Variants in ATG7 observed in about 807,000 individuals in gnomAD.
ATG7 encodes ubiquitin-like modifier-activating enzyme ATG7.
A neutral mutation model predicts 82.4 loss-of-function variants in ATG7; 70 were observed. The ratio of observed to expected loss-of-function variants is 0.85; its 90% CI spans 0.70 to 1.04. The LOEUF (loss-of-function observed/expected upper bound fraction) is 1.04. Ranked by LOEUF, ATG7 falls within the 50% of genes least tolerant of loss-of-function variation. The probability of loss-of-function intolerance (pLI) is 0.00; values close to 1 mark genes in which losing one functional copy is unlikely to be tolerated. For missense variants in ATG7, 792 were observed against 864.3 expected (o/e 0.92, Z 1.05); for synonymous variants, 287 against 313.0 (o/e 0.92, Z 0.88).
intron 19 of ATG7, among the ~76,000 whole-genome samples, chr3:11,419,132 A>G (rs974112600): frequency 2.0e-5 from 3 of 152,232 alleles, no homozygotes; most frequent in Admixed American, 6.5e-5. Flanking sequence ...TTAAGTCATC[A>G]AGAGCAAGTA....
At chr3:11,535,363 C>T (rs2092770676) in intron 20 of ATG7, among the ~76,000 whole-genome samples, 1 of 152,232 alleles carries the variant, frequency 6.6e-6, no homozygotes, top group African/African-American at 2.4e-5. Flanking sequence ...CTCCCAGTGG[C>T]ACCCAGCATG....
At chr3:11,501,842 A>T (rs1376799741) in intron 20 of ATG7, among the ~76,000 whole-genome samples, 1 of 152,090 alleles carries the variant, frequency 6.6e-6, no homozygotes, top group Non-Finnish European at 1.5e-5. Flanking sequence ...GGTGTGCGCC[A>T]CCACATCCGG....
At chr3:11,475,838 G>A (rs1200938086) in intron 20 of ATG7, among the ~76,000 whole-genome samples, 1 of 140,988 alleles carries the variant, frequency 7.1e-6, no homozygotes, top group East Asian at 2.3e-4. Context: ...CTTAACTTTG[G>A]TTCGTCTATG....
intron 20 of ATG7, among the ~76,000 whole-genome samples, chr3:11,467,475 C>T (rs904681774): frequency 2.6e-5 from 4 of 152,212 alleles, no homozygotes; most frequent in African/African-American, 9.6e-5. Context: ...CCCCCAGCTT[C>T]AAGCGATTCT....
At chr3:11,273,756 A>G (rs887552759) in intron 1 of ATG7, among the ~76,000 whole-genome samples, 1 of 152,082 alleles carries the variant, frequency 6.6e-6, no homozygotes, top group Non-Finnish European at 1.5e-5. Context: ...GTTTCATGGC[A>G]CCTTCTAATA....
chr3:11,274,602 C>A (rs1425579656), intron 1 of ATG7, among the ~76,000 whole-genome samples: 5 of 152,140 alleles, frequency 3.3e-5, no homozygotes, highest in Non-Finnish European at 7.3e-5. Context: ...GCACTAGCCA[C>A]ATCGTGAAGG....
intron 20 of ATG7, among the ~76,000 whole-genome samples, chr3:11,432,306 G>C (rs1443927699): frequency 6.6e-6 from 1 of 152,084 alleles, no homozygotes; most frequent in Admixed American, 6.6e-5. Context: ...GTGAGGAGAG[G>C]CTAGACAGCT....
At chr3:11,380,186 G>T (rs1418436034) in intron 19 of ATG7, 134 bp downstream of exon 19, 4 of 746,678 alleles carry the variant, frequency 5.4e-6, no homozygotes, top group Non-Finnish European at 9.1e-6. Flanking sequence ...TAAACCCTCA[G>T]AAAGGACTTT....
intron 3 of ATG7, among the ~76,000 whole-genome samples, chr3:11,283,535 A>AGGAGGT (rs1035349571): frequency 6.6e-6 from 1 of 152,144 alleles, no homozygotes; most frequent in Non-Finnish European, 1.5e-5. Flanking sequence ...CTCAGCCAAT[A>AGGAGGT]GGAGGTGGAG....
At chr3:11,469,988 C>CACAAA (rs1452567322) in intron 20 of ATG7, among the ~76,000 whole-genome samples, 1 of 87,574 alleles carries the variant, frequency 1.1e-5, no homozygotes, top group Non-Finnish European at 2.2e-5. Context: ...GACTCCATCT[C>CACAAA]AAAAAAAAAA....
At chr3:11,501,850 C>T (rs796823561) in intron 20 of ATG7, among the ~76,000 whole-genome samples, 8 of 151,998 alleles carry the variant, frequency 5.3e-5, no homozygotes, top group South Asian at 2.1e-4. Context: ...CCACCACATC[C>T]GGCTAATTTT....
At chr3:11,510,431 T>C (rs1375032165) in intron 20 of ATG7, 8 of 370,666 alleles carry the variant, frequency 2.2e-5, no homozygotes, top group African/African-American at 1.7e-4. Flanking sequence ...AAGGGCCTCA[T>C]TCGAGGTCTT....
At chr3:11,393,013 T>C (rs1285846269) in intron 19 of ATG7, among the ~76,000 whole-genome samples, 2 of 152,200 alleles carry the variant, frequency 1.3e-5, no homozygotes, top group East Asian at 1.9e-4. Context: ...CGTCAAAGTT[T>C]AGGTAGAAAC....
chr3:11,303,350 C>G (rs1471331024), intron 5 of ATG7, among the ~76,000 whole-genome samples: 1 of 152,172 alleles, frequency 6.6e-6, no homozygotes, highest in African/African-American at 2.4e-5. Context: ...TTGACAATCT[C>G]TATACCTATG....
intron 14 of ATG7, among the ~76,000 whole-genome samples, chr3:11,350,589 T>C (rs1425060972): frequency 6.6e-6 from 1 of 152,182 alleles, no homozygotes; most frequent in African/African-American, 2.4e-5. Flanking sequence ...GGGTTGGTGA[T>C]TATTATGCCT....
At chr3:11,332,935 A>T (rs962219006) in intron 10 of ATG7, 37 bp from the exon 11 acceptor site, 6 of 1,405,672 alleles carry the variant, frequency 4.3e-6, no homozygotes, top group Non-Finnish European at 5.6e-6. Flanking sequence ...CTTTAAAAAA[A>T]AATAATAAAT....
chr3:11,286,546 TG>T (rs1944037253), intron 3 of ATG7, among the ~76,000 whole-genome samples: 1 of 147,442 alleles, frequency 6.8e-6, no homozygotes, highest in Non-Finnish European at 1.5e-5. Context: ...TTTTGTTTTG[TG>T]TTTTTTTTTT....
chr3:11,472,285 C>G, intron 20 of ATG7, among the ~76,000 whole-genome samples: 1 of 152,120 alleles, frequency 6.6e-6, no homozygotes, highest in East Asian at 1.9e-4. Context: ...TAGGCAGGCT[C>G]TTGCCTCCTG....
chr3:11,511,627 CTG>C (rs1418879593), intron 20 of ATG7, among the ~76,000 whole-genome samples: 1 of 152,188 alleles, frequency 6.6e-6, no homozygotes. Context: ...GTCGATGGGA[CTG>C]GGCGCCGTGA....
Sources: gnomAD v4.1 joint callset for allele counts (sites outside exome capture counted in the v4.1 genomes callset) on GRCh38, gnomAD v4.1.1 for gene constraint, MANE v1.5 for transcripts, NCBI Gene and HGNC (gene_info 2026-07-23, HGNC 2026-07-21) for gene names.